The following PLEKHG6 variants were observed in gnomAD, a reference collection of about 807,000 sequenced individuals.
PLEKHG6 encodes pleckstrin homology domain-containing family G member 6.
In PLEKHG6, 91 loss-of-function variants were observed where a neutral mutation model predicts 97.5. The observed-to-expected ratio is 0.93, with a 90% confidence interval of 0.79 to 1.11. The LOEUF is 1.11. Ranked by LOEUF, PLEKHG6 falls within the 50% of genes most tolerant of loss-of-function variation. The pLI, the probability that PLEKHG6 is intolerant of heterozygous loss-of-function variation, is 0.00. For missense variants in PLEKHG6, 1,044 were observed against 1,031.0 expected, an observed-to-expected ratio of 1.01 and a Z score of -0.17; for synonymous variants, 466 against 425.5, an observed-to-expected ratio of 1.10 and a Z score of -1.17.
At chr12:6,312,913 C>T (rs759176616) in intron 2 of PLEKHG6, 11 of 1,382,366 alleles carry the variant, frequency 8.0e-6, no homozygotes, top group Non-Finnish European at 1.0e-5. Flanking sequence ...GGTTTCCCCT[C>T]CACCTTGAGG....
chr12:6,323,427 G>C (rs1019404007), intron 13 of PLEKHG6, among the ~76,000 whole-genome samples: 1 of 152,150 alleles, frequency 6.6e-6, no homozygotes, highest in East Asian at 1.9e-4. Context: ...CAATCCCCAG[G>C]GGGCAGACTA....
At position 6,315,151 on chromosome 12, in the gene PLEKHG6, G is replaced by A. The variant is rs1947411486; in HGVS notation, c.441G>A (p.Glu147=). ...TGACCATCGAGAAGTCCTGGAGGGA[G>A]CTGGTGCCTGGGCACAAGGTGAGCC... ...SGLTIEKSWR[E]LVPGHKEMSQ... Residue 147 remains glutamate (E), a synonymous_variant, in exon 4 of 16, where the codon GAG becomes GAA. Transcript: ENST00000684764. The surrounding 1 kb of genome is among the most constrained non-coding windows in gnomAD (Gnocchi z 4.5). 1 of 1,611,404 alleles carries A rather than the reference G, an allele frequency of 6.2e-7. No homozygotes were observed. The highest frequency in any genetic ancestry group is 2.2e-5 in the East Asian group (1 of 44,860).
At chr12:6,321,987 T>C (rs1160427843) in intron 13 of PLEKHG6, among the ~76,000 whole-genome samples, 2 of 152,090 alleles carry the variant, frequency 1.3e-5, no homozygotes. Flanking sequence ...CAACTTCAAT[T>C]TCGTCATCTG....
At chr12:6,324,929 G>A (rs990849164) in intron 13 of PLEKHG6, among the ~76,000 whole-genome samples, 2 of 152,180 alleles carry the variant, frequency 1.3e-5, no homozygotes, top group African/African-American at 4.8e-5. Context: ...CGCTGCACTA[G>A]AGGTCCTCTG....
intron 2 of PLEKHG6, chr12:6,312,776 C>T: frequency 8.4e-7 from 1 of 1,189,730 alleles, no homozygotes; most frequent in South Asian, 2.4e-5. Context: ...TGTCCCTACT[C>T]CTCCAGTGGT....
chr12:6,317,551 G>A lies in PLEKHG6; in HGVS notation c.872G>A (p.Cys291Tyr), dbSNP rs750755175. The A allele has an allele frequency of 1.2e-5, 19 of 1,613,538 alleles. No individual in the cohort carries two copies. The highest frequency in any genetic ancestry group is 4.0e-5 in the African/African-American group (3 of 74,946). ...CCCCACCCACCTTCCCTGCAGTGGTGTGAGAAGCACAAGCGCTCTGGGAGG... is the reference window on the plus strand; with the variant it reads ...CCCCACCCACCTTCCCTGCAGTGGTATGAGAAGCACAAGCGCTCTGGGAGG... The part of the protein sequence containing the change: ...NPLFHAFVQW[C>Y]EKHKRSGRQM... The change falls in exon 9 of 16, where the codon TGT (cysteine) becomes TAT (tyrosine). Residue 291 changes from cysteine to tyrosine, a missense_variant. Transcript: ENST00000684764.
In PLEKHG6 at chr12:6,312,275, G is replaced by A; in HGVS notation, c.49G>A (p.Ala17Thr). ...PHEGPLQGLV[A>T]SRIETYGGRH... Reference sequence around the variant, plus strand: ...TGAGGGCCCCCTCCAAGGACTCGTGGCCTCCCGCATTGAGACTTATGGGGG... The same window carrying A: ...TGAGGGCCCCCTCCAAGGACTCGTGACCTCCCGCATTGAGACTTATGGGGG... The change falls in exon 2 of 16, where the codon GCC (alanine) becomes ACC (threonine). Residue 17 changes from alanine (A) to threonine (T), a missense_variant. Transcript: ENST00000684764. The A allele has an allele frequency of 6.4e-7, 1 of 1,553,134 alleles. No individual in the cohort carries two copies. Among genetic ancestry groups the A allele is most frequent in the Admixed American group, 2.1e-5 (1 of 46,846 alleles).
At position 6,316,262 on chromosome 12, in the gene PLEKHG6, C is replaced by T; in HGVS notation, c.614C>T (p.Ala205Val). The T allele has an allele frequency of 6.4e-7, 1 of 1,552,696 alleles. No homozygotes were observed. Among genetic ancestry groups the T allele is most frequent in the Non-Finnish European group, 8.7e-7 (1 of 1,147,080 alleles). The change falls in exon 7 of 16, where the codon GCT (alanine) becomes GTT (valine). Residue 205 changes from alanine (A) to valine (V), a missense_variant. Coordinates refer to ENST00000684764, the MANE Select transcript of PLEKHG6 (RefSeq NM_001384598.1). The surrounding 1 kb of genome is among the most constrained non-coding windows in gnomAD (Gnocchi z 4.1). ...CTCTGCTCCCTCCTCCAGGTGTCAG[C>T]TGAGACCCTGTTTGGAAATGTCCCC... is the stretch of plus-strand genomic sequence containing the variant. ...QRVGLLMEVS[A>V]ETLFGNVPSL...
chr12:6,328,473 A>C lies in PLEKHG6; in HGVS notation c.*328A>C. 3 of 267,556 alleles carry C rather than the reference A, an allele frequency of 1.1e-5. No individual in the cohort carries two copies. Among genetic ancestry groups the C allele is most frequent in the Non-Finnish European group, 2.1e-5 (3 of 143,204 alleles). The allele number at this position is 267,556 out of a possible 1,614,324, so 16.6% of individuals were successfully genotyped here. A position where few individuals can be genotyped will look rare whatever the true frequency, so the allele number is the denominator to read the frequency against. ...AGACCAGCCTGGGCAATATAGGGAAACCCTGTCTTTACAAAAAAAAATTTT... is the reference window on the plus strand; with the variant it reads ...AGACCAGCCTGGGCAATATAGGGAACCCCTGTCTTTACAAAAAAAAATTTT... On this transcript the variant is annotated 3_prime_UTR_variant, in exon 16 of 16. Coordinates refer to ENST00000684764, the MANE Select transcript of PLEKHG6 (RefSeq NM_001384598.1).
chr12:6,315,654 GC>G lies in PLEKHG6; in HGVS notation c.555+11del, dbSNP rs769128539. ...AAGCTCAAGATCATGACTGATGTGA[GC>G]CCCCCTCAGCCCCAGCCCCGGCCCC... On this transcript the variant is annotated splice_donor_region_variant and intron_variant, in intron 5 of 15. Transcript: ENST00000684764. This position sits in a 1 kb window ranked among gnomAD's most constrained non-coding sequence, Gnocchi z 4.5. 6 of 1,543,654 alleles carry G rather than the reference GC, an allele frequency of 3.9e-6. No individual in the cohort carries two copies. Among genetic ancestry groups the G allele is most frequent in the South Asian group, 3.4e-5 (3 of 87,116 alleles).
rs767997497 is a variant in PLEKHG6 at position 6,327,463 on chromosome 12, G to A, written c.1880G>A (p.Arg627Gln). 52 of 1,612,410 alleles carry A rather than the reference G, an allele frequency of 3.2e-5. No individual in the cohort carries two copies. Among genetic ancestry groups the A allele is most frequent in the Non-Finnish European group, 4.1e-5 (48 of 1,178,918 alleles). Residue 627 changes from arginine (R) to glutamine (Q), a missense_variant, in exon 15 of 16, where the codon CGG (arginine) becomes CAG (glutamine). Physicochemically the swap from Arg to Gln is conservative, Grantham distance 43. Coordinates refer to ENST00000684764, the MANE Select transcript of PLEKHG6 (RefSeq NM_001384598.1). ...PRLTFSTLELRDIPLRPHPPD... is the reference protein window; with the variant it reads ...PRLTFSTLELQDIPLRPHPPD... The stretch of plus-strand genomic sequence containing the variant: ...CTCACCTTCTCCACCCTGGAACTCC[G>A]GGACATCCCTCTGCGTCCCCACCCT...
Position 6,317,843 on chromosome 12 carries a change from C to G in PLEKHG6, c.1018-14C>G, listed in dbSNP as rs370268581. ...CTGAGCCGTCCCTCCTCCCACACCCCCAACCCCACCTAGATTGAAGCCGTG... is the reference window on the plus strand; with the variant it reads ...CTGAGCCGTCCCTCCTCCCACACCCGCAACCCCACCTAGATTGAAGCCGTG... On this transcript the variant is annotated splice_polypyrimidine_tract_variant and intron_variant, in intron 9 of 15. Coordinates refer to ENST00000684764, the MANE Select transcript of PLEKHG6 (RefSeq NM_001384598.1). 449 of 1,548,704 alleles carry G rather than the reference C, an allele frequency of 2.9e-4. No individual in the cohort carries two copies. Among genetic ancestry groups the G allele is most frequent in the Middle Eastern group, 1.7e-3 (10 of 5,966 alleles).
chr12:6,324,829 G>A (rs555498223), intron 13 of PLEKHG6, among the ~76,000 whole-genome samples: 21 of 152,324 alleles, frequency 1.4e-4, no homozygotes, highest in African/African-American at 5.1e-4. Flanking sequence ...CAGGTGCCCA[G>A]GAGTTGCTGG....
Position 6,316,518 on chromosome 12 carries a change from A to G in PLEKHG6, c.756+114A>G. The G allele has an allele frequency of 1.0e-6, 1 of 1,003,952 alleles. No individual in the cohort carries two copies. Among genetic ancestry groups the G allele is most frequent in the Non-Finnish European group, 1.4e-6 (1 of 705,434 alleles). The allele number at this position is 1,003,952 out of a possible 1,614,324, so 62.2% of individuals were successfully genotyped here. A position where few individuals can be genotyped will look rare whatever the true frequency, so the allele number is the denominator to read the frequency against. On this transcript the variant is annotated intron_variant, in intron 7 of 15. Coordinates refer to ENST00000684764, the MANE Select transcript of PLEKHG6 (RefSeq NM_001384598.1). The surrounding 1 kb of genome is among the most constrained non-coding windows in gnomAD (Gnocchi z 4.1). ...TCTCTGTGATTTGAGGGGCCGCAGGACACAGCCCCTACCCCTAATATCACC... is the reference window on the plus strand; with the variant it reads ...TCTCTGTGATTTGAGGGGCCGCAGGGCACAGCCCCTACCCCTAATATCACC...
In PLEKHG6 at chr12:6,327,721, G is replaced by A; in HGVS notation, c.2138G>A (p.Gly713Glu). 1 of 1,556,998 alleles carries A rather than the reference G, an allele frequency of 6.4e-7. No homozygotes were observed. ...SAGESPWESSGEEEEEGPLFL... is the reference protein window; with the variant it reads ...SAGESPWESSEEEEEEGPLFL... ...GGGGAAAGCCCCTGGGAGTCCTCAG[G>A]GGAGGAGGAAGAAGAGGGGCCTCTG... Residue 713 changes from glycine (G) to glutamate (E), a missense_variant, in exon 15 of 16, where the codon GGG becomes GAG. Gly to Glu is a moderately conservative substitution (Grantham distance 98, BLOSUM62 -2). Coordinates refer to ENST00000684764, the MANE Select transcript of PLEKHG6 (RefSeq NM_001384598.1).
chr12:6,327,866 G>A lies in PLEKHG6; in HGVS notation c.2283G>A (p.Arg761=). ...IEGAEEPRDS[R]PRKLTRAQLQ... is the part of the protein sequence containing the mutation. ...GGGCCGAGGAGCCCCGGGACAGCAG[G>A]CCACGGAAGCTGACTCGGGCCCAGC... Residue 761 remains arginine, a synonymous_variant, in exon 15 of 16, where the codon AGG becomes AGA. Transcript: ENST00000684764. 1 of 1,500,684 alleles carries A rather than the reference G, an allele frequency of 6.7e-7. No individual in the cohort carries two copies. Among genetic ancestry groups the A allele is most frequent in the Non-Finnish European group, 8.9e-7 (1 of 1,126,064 alleles). The allele number at this position is 1,500,684 out of a possible 1,614,324, so 93.0% of individuals were successfully genotyped here.
intron 13 of PLEKHG6, chr12:6,319,309 G>T (rs886267695): frequency 3.3e-6 from 2 of 609,718 alleles, no homozygotes; most frequent in Non-Finnish European, 5.7e-6. Context: ...TTAGCCGGGC[G>T]TGGTGGTGTG....
Position 6,313,655 on chromosome 12 carries a change from G to A in PLEKHG6, c.165G>A (p.Gln55=), listed in dbSNP as rs1565454818. ...ATCCCAGTCGCCGACGCCTCCAGCA[G>A]TATGTCCCCTTTGCCAGGGGTTCTG... The part of the protein sequence containing the change: ...VLDPSRRRLQ[Q]YVPFARGSGQ... Residue 55 remains glutamine (Q), a synonymous_variant, in exon 3 of 16, where the codon CAG becomes CAA. Transcript: ENST00000684764. The A allele has an allele frequency of 1.9e-6, 3 of 1,614,110 alleles. No individual in the cohort carries two copies. Among genetic ancestry groups the A allele is most frequent in the South Asian group, 1.1e-5 (1 of 91,088 alleles).
rs2302350 is a variant in PLEKHG6, at chr12:6,326,587, G to C, written c.1670+14G>C. On this transcript the variant is annotated intron_variant, in intron 14 of 15. Coordinates refer to ENST00000684764, the MANE Select transcript of PLEKHG6 (RefSeq NM_001384598.1). ...CGCAGAGGGGAGGTAAGGCTCACAC[G>C]GACTACAAGGTCTCCCCGAGCAGGA... is the stretch of plus-strand genomic sequence containing the variant. 1.3e-5 allele frequency: 19 copies of C among 1,452,106 alleles called. No individual in the cohort carries two copies. The highest frequency in any genetic ancestry group is 1.7e-5 in the Non-Finnish European group (19 of 1,100,516). 90.0% of individuals were successfully genotyped at this position (1,452,106 alleles called of 1,614,324 possible).
Sources: allele counts gnomAD v4.1 joint callset (sites outside exome capture counted in the v4.1 genomes callset), GRCh38; gene constraint gnomAD v4.1.1; non-coding constraint Gnocchi (gnomAD v3.1); transcripts MANE v1.5; gene names NCBI Gene and HGNC (gene_info 2026-07-23, HGNC 2026-07-21).